Variants in CTNND2 observed in about 807,000 individuals in gnomAD.
CTNND2 encodes the protein catenin delta 2.
Under a neutral mutation model 144.4 loss-of-function variants are expected in CTNND2, and 22 were observed. The ratio of observed to expected loss-of-function variants is 0.15; its 90% confidence interval spans 0.11 to 0.22. CTNND2 has a LOEUF of 0.22. CTNND2 is among the 10% of genes least tolerant of loss of function. The probability of loss-of-function intolerance (pLI) is 1.00; values close to 1 mark genes in which losing one functional copy is unlikely to be tolerated. For missense variants in CTNND2, 1,353 were observed against 1,618.8 expected, an observed-to-expected ratio of 0.84 and a Z score of 2.82; for synonymous variants, 751 against 695.6, an observed-to-expected ratio of 1.08 and a Z score of -1.25.
intron 1 of CTNND2, among the ~76,000 whole-genome samples, chr5:11,754,552 G>A (rs1051379571): frequency 1.3e-5 from 2 of 151,480 alleles, no homozygotes; most frequent in African/African-American, 4.8e-5. Context: ...TTGTCAGTGG[G>A]GTGTTGACAT....
At chr5:11,174,715 G>A (rs1463402638) in intron 11 of CTNND2, among the ~76,000 whole-genome samples, 2 of 152,224 alleles carry the variant, frequency 1.3e-5, no homozygotes, top group Non-Finnish European at 2.9e-5. Flanking sequence ...CACGTCACAA[G>A]AGGGGATAAA....
chr5:11,448,991 C>T (rs1765082386), intron 3 of CTNND2, among the ~76,000 whole-genome samples: 1 of 151,956 alleles, frequency 6.6e-6, no homozygotes, highest in Non-Finnish European at 1.5e-5. Context: ...GTGTGAGCCA[C>T]TACACCTGGC....
At chr5:11,249,314 C>A (rs440524) in intron 9 of CTNND2, among the ~76,000 whole-genome samples, 6,587 of 152,186 alleles carry the variant, frequency 0.043, 263 homozygotes, top group African/African-American at 0.1. Context: ...GCTTATTGCT[C>A]GTAATAAGAA....
chr5:11,237,813 A>C (rs182419965), intron 9 of CTNND2, among the ~76,000 whole-genome samples: 77 of 152,338 alleles, frequency 5.1e-4, no homozygotes, highest in African/African-American at 1.8e-3. Context: ...GCCAATGTTT[A>C]TATCATTATT....
chr5:11,761,666 A>G (rs4558987), intron 1 of CTNND2, among the ~76,000 whole-genome samples: 133,585 of 152,104 alleles, frequency 0.88, 60,775 homozygotes, highest in Non-Finnish European at 0.99. Context: ...CTACTGATTT[A>G]GAACAAACAA....
At chr5:11,608,492 C>G (rs1187026977) in intron 2 of CTNND2, among the ~76,000 whole-genome samples, 1 of 152,128 alleles carries the variant, frequency 6.6e-6, no homozygotes, top group Non-Finnish European at 1.5e-5. Context: ...ATGGTACCAC[C>G]AGCAACCCAG....
chr5:11,181,910 G>A (rs926355365), intron 11 of CTNND2, among the ~76,000 whole-genome samples: 2 of 141,152 alleles, frequency 1.4e-5, no homozygotes, highest in African/African-American at 2.8e-5. Flanking sequence ...TGTATGTGTG[G>A]TGTGTGTGGA....
intron 10 of CTNND2, among the ~76,000 whole-genome samples, chr5:11,233,612 G>A (rs1167924112): frequency 6.6e-6 from 1 of 152,186 alleles, no homozygotes; most frequent in Non-Finnish European, 1.5e-5. Flanking sequence ...ACGACAGGCA[G>A]CCATCTGTCA....
chr5:11,097,664 G>T lies in CTNND2; in HGVS notation c.2637+911C>A, dbSNP rs61755695. 2.9e-3 allele frequency among the ~76,000 whole-genome samples: 446 copies of T among 152,292 alleles called. 1 individual carries two copies. The highest frequency in any genetic ancestry group is 9.7e-3 in the African/African-American group (405 of 41,562). The stretch of plus-strand genomic sequence containing the variant: ...GTAGTTACATAATGTTGAGGCCAGG[G>T]TGTGGTGAGTGTGTGACATCTATGG... On this transcript the variant is annotated intron_variant, in intron 15 of 21. Transcript: ENST00000304623.
chr5:11,145,181 C>T (rs201495828), intron 12 of CTNND2, among the ~76,000 whole-genome samples: 7 of 152,088 alleles, frequency 4.6e-5, no homozygotes, highest in East Asian at 1.9e-4. Context: ...CATTTTTAAA[C>T]GTTCAGTAGG....
intron 12 of CTNND2, among the ~76,000 whole-genome samples, chr5:11,150,355 T>C (rs552429300): frequency 6.6e-5 from 10 of 152,186 alleles, no homozygotes; most frequent in Non-Finnish European, 8.8e-5. Flanking sequence ...ACAAAGTCGT[T>C]ATCCTAGGAA....
At chr5:11,594,581 A>G (rs188209100) in intron 2 of CTNND2, among the ~76,000 whole-genome samples, 2 of 152,242 alleles carry the variant, frequency 1.3e-5, no homozygotes, top group Non-Finnish European at 2.9e-5. Flanking sequence ...GTAGAACTAA[A>G]GTATAAAGGA....
intron 1 of CTNND2, among the ~76,000 whole-genome samples, chr5:11,862,690 G>C (rs1343576543): frequency 6.6e-6 from 1 of 152,050 alleles, no homozygotes; most frequent in Non-Finnish European, 1.5e-5. Context: ...TTTCAAAAAG[G>C]AGTCTTCATT....
intron 1 of CTNND2, among the ~76,000 whole-genome samples, chr5:11,859,576 C>A (rs907115213): frequency 6.6e-6 from 1 of 152,142 alleles, no homozygotes; most frequent in South Asian, 2.1e-4. Context: ...TACTTGCTTT[C>A]AATACAGGAA....
chr5:11,492,537 A>G (rs62337510), intron 3 of CTNND2, among the ~76,000 whole-genome samples: 100 of 131,858 alleles, frequency 7.6e-4, no homozygotes, highest in East Asian at 1.5e-3. Context: ...GTGTGTGTGT[A>G]TGTGTGTGTA....
At chr5:11,446,725 C>T (rs1764836375) in intron 3 of CTNND2, among the ~76,000 whole-genome samples, 2 of 152,104 alleles carry the variant, frequency 1.3e-5, no homozygotes, top group African/African-American at 4.8e-5. Context: ...GAGAGTGATT[C>T]AGGGGTAAGA....
At position 11,334,649 on chromosome 5, in the gene CTNND2, G is replaced by C. The variant is rs556554642; in HGVS notation, c.1628+11723C>G. Among the ~76,000 whole-genome samples, 38 of 152,272 alleles carry C rather than the reference G, an allele frequency of 2.5e-4. No individual in the cohort carries two copies. In the East Asian group the frequency reaches 7.1e-3, roughly 29 times the overall value. ...TTCCGAAAATGTTGGGAACCACTGGGCTGCATTTCAAAGATGGGGGAGCCA... is the reference window on the plus strand; with the variant it reads ...TTCCGAAAATGTTGGGAACCACTGGCCTGCATTTCAAAGATGGGGGAGCCA... On this transcript the variant is annotated intron_variant, in intron 9 of 21. Transcript: ENST00000304623.
intron 12 of CTNND2, among the ~76,000 whole-genome samples, chr5:11,138,201 C>T (rs1756350666): frequency 6.6e-6 from 1 of 152,202 alleles, no homozygotes. Context: ...CGTGATCTCT[C>T]ATTCTGCTGC....
At chr5:11,593,654 T>A (rs1779367242) in intron 2 of CTNND2, among the ~76,000 whole-genome samples, 1 of 152,240 alleles carries the variant, frequency 6.6e-6, no homozygotes, top group South Asian at 2.1e-4. Flanking sequence ...GCATATGCTC[T>A]CTGGCCTTCT....
Sources: gnomAD v4.1 joint callset for allele counts (sites outside exome capture counted in the v4.1 genomes callset) on GRCh38, gnomAD v4.1.1 for gene constraint, MANE v1.5 for transcripts, NCBI Gene and HGNC (gene_info 2026-07-23, HGNC 2026-07-21) for gene names.